The following ARHGAP40 variants were observed in gnomAD, a reference collection of about 807,000 sequenced individuals.
The protein encoded by ARHGAP40 is rho GTPase-activating protein 40.
A neutral mutation model predicts 73.5 loss-of-function variants in ARHGAP40; 43 were observed. The observed-to-expected ratio is 0.58, with a 90% confidence interval of 0.46 to 0.75. The LOEUF (loss-of-function observed/expected upper bound fraction) is 0.75. Among genes scored for constraint, ARHGAP40 ranks in the 30% least tolerant of loss-of-function variants. The pLI is 0.00. For synonymous variants in ARHGAP40, 300 were observed against 352.8 expected (o/e 0.85, Z 1.68); for missense variants, 734 against 861.8 (o/e 0.85, Z 1.86).
At chr20:38,604,403 T>TG (rs1221060285) in intron 1 of ARHGAP40, among the ~76,000 whole-genome samples, 2 of 151,810 alleles carry the variant, frequency 1.3e-5, no homozygotes, top group African/African-American at 4.8e-5. Flanking sequence ...TGGTGTTTTT[T>TG]TTTTTTTTTT....
intron 1 of ARHGAP40, among the ~76,000 whole-genome samples, chr20:38,610,303 C>G (rs1232903276): frequency 6.6e-6 from 1 of 152,040 alleles, no homozygotes. Flanking sequence ...GTTGTAAACT[C>G]TGGTGCCTAC....
chr20:38,645,916 C>CA (rs11426603), intron 11 of ARHGAP40, 131 bp from the exon 12 acceptor site: 451,188 of 875,732 alleles, frequency 0.52, 119,104 homozygotes, highest in East Asian at 0.58. Context: ...GTCCCGTGTC[C>CA]AACAAATGCA....
At chr20:38,615,008 G>A in intron 1 of ARHGAP40, 1 of 1,176,656 alleles carries the variant, frequency 8.5e-7, no homozygotes, top group African/African-American at 1.5e-5. Flanking sequence ...TCCCGCTGGG[G>A]TTGATCTCCA....
intron 7 of ARHGAP40, 94 bp downstream of exon 7, chr20:38,637,893 G>T: frequency 9.7e-7 from 1 of 1,027,978 alleles, no homozygotes; most frequent in Non-Finnish European, 1.3e-6. Context: ...AGGGGTGAAA[G>T]GATGTGCTTT....
At chr20:38,618,558 G>C (rs1222909480) in intron 1 of ARHGAP40, among the ~76,000 whole-genome samples, 1 of 152,170 alleles carries the variant, frequency 6.6e-6, no homozygotes, top group Non-Finnish European at 1.5e-5. Flanking sequence ...GATGTCTGGG[G>C]TATCACCTGG....
chr20:38,618,837 C>T (rs933463712), intron 1 of ARHGAP40, among the ~76,000 whole-genome samples: 1 of 152,172 alleles, frequency 6.6e-6, no homozygotes, highest in Non-Finnish European at 1.5e-5. Context: ...ATCGCTCGAC[C>T]TCTGCTGTGT....
chr20:38,632,763 G>A (rs1275887943), intron 5 of ARHGAP40, among the ~76,000 whole-genome samples: 1 of 151,714 alleles, frequency 6.6e-6, no homozygotes, highest in East Asian at 2.0e-4. Context: ...ATCACTTGAG[G>A]CCAGAAATTC....
chr20:38,613,221 G>T (rs1319047484), intron 1 of ARHGAP40, among the ~76,000 whole-genome samples: 1 of 152,126 alleles, frequency 6.6e-6, no homozygotes, highest in Non-Finnish European at 1.5e-5. Flanking sequence ...GATGGAGATT[G>T]GTAGATCCTG....
chr20:38,629,785 C>G, intron 5 of ARHGAP40, 135 bp downstream of exon 5: 1 of 1,014,576 alleles, frequency 9.9e-7, no homozygotes, highest in Non-Finnish European at 1.3e-6. Context: ...TTAATTCGTA[C>G]CACAAATATT....
At chr20:38,649,675 C>T in intron 14 of ARHGAP40, 82 bp from the exon 15 acceptor site, 2 of 860,910 alleles carry the variant, frequency 2.3e-6, no homozygotes, top group Non-Finnish European at 3.4e-6. Context: ...GGACAGTGCA[C>T]TGCCTGGTGA....
rs1220201477 is a variant in ARHGAP40 at position 38,628,992 on chromosome 20, GT to G, written c.627del (p.Pro210LeufsTer63). ...CCCAGCTCAGTTCCGGGGCCTCTAA[GT>G]TTCCTCCAGGTAAGTGGTCTTCATT... On this transcript the variant is annotated frameshift_variant, in exon 4 of 15. Coordinates refer to ENST00000373345, the Ensembl canonical transcript of ARHGAP40. LOFTEE classifies it high-confidence loss of function. 1 of 1,304,832 alleles carries G rather than the reference GT, an allele frequency of 7.7e-7. No individual in the cohort carries two copies. Among genetic ancestry groups the G allele is most frequent in the Non-Finnish European group, 1.0e-6 (1 of 988,784 alleles). 80.8% of individuals were successfully genotyped at this position (1,304,832 alleles called of 1,614,324 possible).
exon 14 of ARHGAP40, chr20:38,648,697 C>T (rs1202752521): frequency 1.5e-6 from 2 of 1,305,430 alleles, no homozygotes; most frequent in African/African-American, 1.5e-5. Context: ...GAGGGAATAT[C>T]AGTAAGTTCC....
At chr20:38,617,582 T>C (rs1322983214) in intron 1 of ARHGAP40, among the ~76,000 whole-genome samples, 1 of 149,162 alleles carries the variant, frequency 6.7e-6, no homozygotes, top group Non-Finnish European at 1.5e-5. Context: ...TCAGGCCACC[T>C]AGGGGGAAAG....
intron 6 of ARHGAP40, among the ~76,000 whole-genome samples, chr20:38,637,126 C>T (rs1361206418): frequency 6.6e-6 from 1 of 151,718 alleles, no homozygotes; most frequent in African/African-American, 2.4e-5. Context: ...GGAGCAGCAG[C>T]GTGCTTCCCT....
At chr20:38,643,455 T>A (rs1422436147) in intron 10 of ARHGAP40, among the ~76,000 whole-genome samples, 3 of 152,220 alleles carry the variant, frequency 2.0e-5, no homozygotes, top group African/African-American at 4.8e-5. Flanking sequence ...CTGACCCAGT[T>A]GTCTCATTAG....
intron 5 of ARHGAP40, among the ~76,000 whole-genome samples, chr20:38,632,694 G>A (rs2088948606): frequency 6.6e-6 from 1 of 152,008 alleles, no homozygotes; most frequent in South Asian, 2.1e-4. Context: ...CACGCTAAAG[G>A]GCCAGGCATG....
At chr20:38,643,598 G>T in intron 10 of ARHGAP40, 106 bp from the exon 11 acceptor site, 1 of 955,612 alleles carries the variant, frequency 1.0e-6, no homozygotes. Flanking sequence ...CCCAGCTCCT[G>T]GCTCCTTCCT....
chr20:38,629,757 G>A (rs532375748), intron 5 of ARHGAP40, 107 bp downstream of exon 5: 3 of 1,151,570 alleles, frequency 2.6e-6, no homozygotes, highest in South Asian at 3.1e-5. Flanking sequence ...CACAAAAGTT[G>A]TTAATTCATT....
intron 1 of ARHGAP40, among the ~76,000 whole-genome samples, chr20:38,604,065 G>T (rs1042674296): frequency 4.6e-5 from 7 of 152,222 alleles, no homozygotes; most frequent in African/African-American, 1.7e-4. Flanking sequence ...GGATTAGGAT[G>T]TGGACATCTT....
Sources: allele counts gnomAD v4.1 joint callset (sites outside exome capture counted in the v4.1 genomes callset), GRCh38; gene constraint gnomAD v4.1.1; transcripts MANE v1.5; gene names NCBI Gene and HGNC (gene_info 2026-07-23, HGNC 2026-07-21).